HIVEP3: variants seen among roughly 807,000 people sequenced by gnomAD.
HIVEP3 encodes transcription factor HIVEP3.
Under a neutral mutation model 152.8 loss-of-function variants are expected in HIVEP3, and 49 were observed. That is an observed-to-expected ratio of 0.32 (90% CI 0.26 to 0.41). The LOEUF is 0.41. Among genes scored for constraint, HIVEP3 ranks in the 10% least tolerant of loss-of-function variants. The pLI, the probability that HIVEP3 is intolerant of heterozygous loss-of-function variation, is 1.00. For synonymous variants in HIVEP3, 1,269 were observed against 1,289.0 expected (o/e 0.98, Z 0.33); for missense variants, 2,790 against 3,103.3 (o/e 0.90, Z 2.40).
At chr1:41,888,584 C>T (rs1361461280) in intron 1 of HIVEP3, among the ~76,000 whole-genome samples, 5 of 152,002 alleles carry the variant, frequency 3.3e-5, no homozygotes, top group Non-Finnish European at 5.9e-5. Flanking sequence ...AGAATAAGGG[C>T]ATCATCAGAT....
At chr1:41,557,888 C>A (rs557407892) in intron 5 of HIVEP3, among the ~76,000 whole-genome samples, 1 of 152,304 alleles carries the variant, frequency 6.6e-6, no homozygotes, top group South Asian at 2.1e-4. Context: ...ATGGCGAGAA[C>A]CCCCACCCAG....
chr1:41,898,966 G>T (rs994144987), intron 1 of HIVEP3, among the ~76,000 whole-genome samples: 1 of 152,260 alleles, frequency 6.6e-6, no homozygotes. Context: ...GAACAGTTCA[G>T]CCCCATGGGC....
chr1:41,511,111 C>T lies in HIVEP3; in HGVS notation c.6561G>A (p.Leu2187=), dbSNP rs763813067. The T allele has an allele frequency of 3.7e-6, 6 of 1,614,060 alleles. No individual in the cohort carries two copies. The change falls in exon 9 of 9, where the codon TTG becomes TTA. Residue 2187 remains leucine, a synonymous_variant. Transcript: ENST00000372583. This position sits in a 1 kb window ranked among gnomAD's most constrained non-coding sequence, Gnocchi z 4.9. ...GAATCAAGGGACATGGGGCACGGGTCAAGTGCTGGGAGTGCAGAGGCAGGT... is the reference window on the plus strand; with the variant it reads ...GAATCAAGGGACATGGGGCACGGGTTAAGTGCTGGGAGTGCAGAGGCAGGT... ...FSHLPLHSQH[L]TRAPCPLIPI... is the part of the protein sequence containing the mutation.
chr1:42,008,469 GCTT>G (rs1645473496), intron 1 of HIVEP3, among the ~76,000 whole-genome samples: 1 of 152,172 alleles, frequency 6.6e-6, no homozygotes, highest in Non-Finnish European at 1.5e-5. Flanking sequence ...AGACACTGTG[GCTT>G]CTTCTGATTG....
At chr1:41,513,876 C>G in intron 7 of HIVEP3, 126 bp from the exon 8 acceptor site, 1 of 714,926 alleles carries the variant, frequency 1.4e-6, no homozygotes, top group African/African-American at 1.8e-5. Context: ...CGCAAGGGCA[C>G]AAGATTGTTG....
chr1:41,883,171 A>G lies in HIVEP3; in HGVS notation c.-801+35242T>C, dbSNP rs878877. Among the ~76,000 whole-genome samples the G allele has an allele frequency of 9.7e-3, 1,481 of 152,038 alleles. 24 individuals carry two copies. Among genetic ancestry groups the G allele is most frequent in the African/African-American group, 0.029 (1,198 of 41,454 alleles). ...AGAGCAAAAAGAAAAAAATATATAG[A>G]CAACCTAGGAGGTCTGAGGACTCAC... is the stretch of plus-strand genomic sequence containing the variant. On this transcript the variant is annotated intron_variant, in intron 1 of 8. Transcript: ENST00000372583.
intron 1 of HIVEP3, among the ~76,000 whole-genome samples, chr1:41,767,337 C>G (rs6703884): frequency 0.47 from 71,583 of 152,078 alleles, 19,745 homozygotes; most frequent in Non-Finnish European, 0.63. Context: ...GCTCCCCCAA[C>G]CGCTAGAGCT....
In HIVEP3 at chr1:41,573,400, T is replaced by C. The variant is rs1569959172; in HGVS notation, c.5207+2144A>G. ...GGTGATGCCAGCCCCAAGAGAACCA[T>C]GAATGTAGAAGAATCACCAGAAGTG... On this transcript the variant is annotated intron_variant, in intron 5 of 8. Transcript: ENST00000372583. Among the ~76,000 whole-genome samples the C allele has an allele frequency of 2.6e-5, 4 of 152,174 alleles. No homozygotes were observed. In the South Asian group the frequency reaches 8.3e-4, roughly 32 times the overall value.
At chr1:41,534,004 C>A (rs1441180948) in intron 5 of HIVEP3, among the ~76,000 whole-genome samples, 1 of 152,122 alleles carries the variant, frequency 6.6e-6, no homozygotes, top group Admixed American at 6.5e-5. Flanking sequence ...TGGGCTTCAT[C>A]CTTGATGGCT....
intron 1 of HIVEP3, among the ~76,000 whole-genome samples, chr1:41,849,309 A>G (rs930493436): frequency 1.3e-5 from 2 of 152,244 alleles, no homozygotes; most frequent in Non-Finnish European, 2.9e-5. Flanking sequence ...AGATATATCT[A>G]CCAAGGACTT....
intron 1 of HIVEP3, among the ~76,000 whole-genome samples, chr1:41,947,629 C>A (rs1251301314): frequency 1.3e-5 from 2 of 152,222 alleles, no homozygotes; most frequent in Non-Finnish European, 2.9e-5. Flanking sequence ...AAGGCCCTAA[C>A]CCAAGCCCCA....
intron 2 of HIVEP3, among the ~76,000 whole-genome samples, chr1:41,696,495 C>A (rs1180690370): frequency 6.6e-6 from 1 of 152,224 alleles, no homozygotes; most frequent in Non-Finnish European, 1.5e-5. Flanking sequence ...TATGTGCAGG[C>A]CCCAAGGCCA....
intron 1 of HIVEP3, among the ~76,000 whole-genome samples, chr1:41,702,052 C>T (rs762137081): frequency 4.6e-5 from 7 of 152,106 alleles, no homozygotes; most frequent in Non-Finnish European, 8.8e-5. Flanking sequence ...AGCTCTGAGT[C>T]CTCAAGAGTA....
intron 1 of HIVEP3, among the ~76,000 whole-genome samples, chr1:41,875,432 C>A (rs1285480827): frequency 2.6e-5 from 4 of 152,256 alleles, no homozygotes; most frequent in African/African-American, 9.6e-5. Flanking sequence ...CCTTCTGGCC[C>A]CTCTTCATCT....
intron 1 of HIVEP3, among the ~76,000 whole-genome samples, chr1:41,957,573 G>A (rs1451925101): frequency 6.6e-6 from 1 of 152,196 alleles, no homozygotes; most frequent in Non-Finnish European, 1.5e-5. Flanking sequence ...AAACTGGGCA[G>A]AAGAAAGAAC....
At chr1:41,900,853 G>A (rs1315315400) in intron 1 of HIVEP3, among the ~76,000 whole-genome samples, 1 of 152,164 alleles carries the variant, frequency 6.6e-6, no homozygotes, top group African/African-American at 2.4e-5. Flanking sequence ...TGGAGAAGTA[G>A]GCAGGGCCCA....
chr1:41,515,481 C>G (rs1449916976), intron 7 of HIVEP3, among the ~76,000 whole-genome samples: 1 of 152,204 alleles, frequency 6.6e-6, no homozygotes, highest in Non-Finnish European at 1.5e-5. Context: ...ATGCCCCAGG[C>G]ATTTACCTCC....
chr1:41,697,606 G>A (rs1180733586), intron 2 of HIVEP3, among the ~76,000 whole-genome samples: 1 of 152,172 alleles, frequency 6.6e-6, no homozygotes, highest in Admixed American at 6.5e-5. Context: ...GAGGGAGAGC[G>A]AGTTGGCTGG....
rs1355704233 is a variant in HIVEP3, at chr1:41,604,381, AT to A, written c.-521-19064del. ...AGTACTGCTACAGACAAAAATATAT[AT>A]CTTACAGATATAATAATAAGTAAAG... On this transcript the variant is annotated intron_variant, in intron 3 of 8. Coordinates refer to ENST00000372583, the MANE Select transcript of HIVEP3 (RefSeq NM_024503.5). Among the ~76,000 whole-genome samples, 19 of 152,386 alleles carry A rather than the reference AT, an allele frequency of 1.2e-4. No homozygotes were observed. In the East Asian group the frequency reaches 3.3e-3, roughly 26 times the overall value.
Sources: allele counts gnomAD v4.1 joint callset (sites outside exome capture counted in the v4.1 genomes callset), GRCh38; gene constraint gnomAD v4.1.1; non-coding constraint Gnocchi (gnomAD v3.1); transcripts MANE v1.5; gene names NCBI Gene and HGNC (gene_info 2026-07-23, HGNC 2026-07-21).